The following ANK3 variants were observed in gnomAD, a reference collection of about 807,000 sequenced individuals.
The protein encoded by ANK3 is ankyrin 3.
ANK3 carries 57 observed loss-of-function variants against 370.9 expected under a neutral mutation model. The ratio of observed to expected loss-of-function variants is 0.15; its 90% CI spans 0.12 to 0.19. ANK3 has a LOEUF of 0.19. ANK3 is among the 10% of genes least tolerant of loss of function. The pLI is 1.00. For missense variants in ANK3, 4,439 were observed against 5,302.1 expected, an observed-to-expected ratio of 0.84 and a Z score of 5.06; for synonymous variants, 1,929 against 1,946.3, an observed-to-expected ratio of 0.99 and a Z score of 0.23.
At chr10:60,655,467 T>A (rs1033548221) in intron 1 of ANK3, among the ~76,000 whole-genome samples, 2 of 151,910 alleles carry the variant, frequency 1.3e-5, no homozygotes, top group South Asian at 2.1e-4. Flanking sequence ...ATGAAAAATA[T>A]TTTAAATAGA....
Position 60,196,542 on chromosome 10 carries a change from T to C in ANK3, c.1773A>G (p.Pro591=), listed in dbSNP as rs1458934075. The stretch of plus-strand genomic sequence containing the variant: ...GACCTCTTACCTTCCCAGCAGCATC[T>C]GGAGATGCACTTTTCTGTAGCAGGA... The part of the protein sequence containing the change: ...ANLLLQKSAS[P]DAAGKSGLTP... Residue 591 remains proline (P), a synonymous_variant, in exon 15 of 44, where the codon CCA becomes CCG. Transcript: ENST00000280772. 6.2e-7 allele frequency: 1 copy of C among 1,611,874 alleles called. No individual in the cohort carries two copies. Among genetic ancestry groups the C allele is most frequent in the African/African-American group, 1.3e-5 (1 of 74,728 alleles).
intron 7 of ANK3, among the ~76,000 whole-genome samples, chr10:60,240,141 T>TAC (rs1319417832): frequency 1.6e-5 from 2 of 124,316 alleles, no homozygotes; most frequent in Admixed American, 8.5e-5. Flanking sequence ...TACATATATA[T>TAC]ACACATATAT....
At chr10:60,038,343 G>A (rs1486260404) in intron 43 of ANK3, among the ~76,000 whole-genome samples, 4 of 152,228 alleles carry the variant, frequency 2.6e-5, no homozygotes, top group Non-Finnish European at 5.9e-5. Context: ...GTTGCAATGA[G>A]CCGATATTGT....
chr10:60,213,366 T>A, intron 9 of ANK3, 46 bp downstream of exon 9: 1 of 1,353,760 alleles, frequency 7.4e-7, no homozygotes, highest in South Asian at 1.2e-5. Flanking sequence ...CATATAACCA[T>A]CAAAATAAAT....
intron 2 of ANK3, among the ~76,000 whole-genome samples, chr10:60,395,550 C>CTCTTTCTTTCTTTCTTTTTCTTTCTT (rs1555367059): frequency 9.2e-6 from 1 of 108,384 alleles, no homozygotes; most frequent in African/African-American, 3.4e-5. Flanking sequence ...ACTACTATGC[C>CTCTTTCTTTCTTTCTTTTTCTTTCTT]TCTTTCTTTC....
At chr10:60,320,569 A>C (rs997804478) in intron 1 of ANK3, among the ~76,000 whole-genome samples, 4 of 152,194 alleles carry the variant, frequency 2.6e-5, no homozygotes, top group Non-Finnish European at 1.5e-5. Flanking sequence ...ACTGCACTCC[A>C]GTCTGGGCAA....
intron 1 of ANK3, among the ~76,000 whole-genome samples, chr10:60,665,263 C>T (rs2078982080): frequency 6.6e-6 from 1 of 152,086 alleles, no homozygotes; most frequent in Non-Finnish European, 1.5e-5. Flanking sequence ...GTAATATTGT[C>T]CACTCTTATT....
chr10:60,196,074 G>T, intron 16 of ANK3, 71 bp downstream of exon 16: 1 of 1,365,010 alleles, frequency 7.3e-7, no homozygotes, highest in Non-Finnish European at 1.0e-6. Context: ...TGCTGAAGCA[G>T]AAGTAGATGT....
chr10:60,363,096 CG>C (rs1172843377), intron 1 of ANK3, among the ~76,000 whole-genome samples: 3 of 14,976 alleles, frequency 2.0e-4, no homozygotes, highest in East Asian at 1.7e-3. Context: ...GGGAGGGGGG[CG>C]GGGGGCGCAA....
intron 1 of ANK3, among the ~76,000 whole-genome samples, chr10:60,285,317 T>C (rs2098228063): frequency 6.6e-6 from 1 of 152,194 alleles, no homozygotes; most frequent in Non-Finnish European, 1.5e-5. Flanking sequence ...TCAAACATTT[T>C]GAAAGACTGG....
At chr10:60,415,250 G>A (rs1338991882) in intron 2 of ANK3, among the ~76,000 whole-genome samples, 2 of 152,166 alleles carry the variant, frequency 1.3e-5, no homozygotes, top group East Asian at 1.9e-4. Flanking sequence ...CTTGTGGAAG[G>A]AGCATCATGC....
chr10:60,287,705 T>C (rs982794452), intron 1 of ANK3, among the ~76,000 whole-genome samples: 5 of 152,234 alleles, frequency 3.3e-5, no homozygotes, highest in Non-Finnish European at 7.3e-5. Flanking sequence ...AACTAATAAG[T>C]AAGCAGCAAG....
In ANK3 at chr10:60,438,627, T is replaced by TA. The variant is rs149080265; in HGVS notation, c.97-158989dup. Among the ~76,000 whole-genome samples, 393 of 152,158 alleles carry TA rather than the reference T, an allele frequency of 2.6e-3. 4 individuals are homozygous for TA. Among genetic ancestry groups the TA allele is most frequent in the African/African-American group, 9.2e-3 (383 of 41,492 alleles). Reference sequence around the variant, plus strand: ...ATGATTAGGTGTTAGATGAAAAAAATAAAAAGTTTCTATTAAGTGAGGAAG... The same window carrying TA: ...ATGATTAGGTGTTAGATGAAAAAAATAAAAAAGTTTCTATTAAGTGAGGAAG... On this transcript the variant is annotated intron_variant, in intron 2 of 43. Transcript: ENST00000373827.
chr10:60,027,128 C>CACA lies in ANK3; in HGVS notation c.*2715_*2717dup, dbSNP rs1399541018. ...AAAGTCAAATTTTTGGGCATATAAA[C>CACA]ACAACTATTTAATACCTAAACAGGT... On this transcript the variant is annotated 3_prime_UTR_variant, in exon 44 of 44. Coordinates refer to ENST00000280772, the MANE Select transcript of ANK3 (RefSeq NM_020987.5). The CACA allele has an allele frequency of 1.3e-5, 2 of 151,964 alleles. No individual in the cohort carries two copies. Among genetic ancestry groups the CACA allele is most frequent in the Non-Finnish European group, 2.9e-5 (2 of 68,006 alleles). 9.4% of individuals were successfully genotyped at this position (151,964 alleles called of 1,614,324 possible).
In ANK3 at chr10:60,356,465, A is replaced by C. The variant is rs578261031; in HGVS notation, c.114+32960T>G. Among the ~76,000 whole-genome samples the C allele has an allele frequency of 3.9e-5, 6 of 152,270 alleles. No individual in the cohort carries two copies. The East Asian group carries it at 9.6e-4, about 24-fold the overall frequency. On this transcript the variant is annotated intron_variant, in intron 1 of 43. Coordinates refer to ENST00000280772, the MANE Select transcript of ANK3 (RefSeq NM_020987.5). ...CTGGCTTGAGGAGAATGACCATTCC[A>C]ATTCCTCCCTTGGGGACTCCTAGCT...
intron 1 of ANK3, among the ~76,000 whole-genome samples, chr10:60,342,841 G>T (rs1310479828): frequency 6.6e-6 from 1 of 152,120 alleles, no homozygotes; most frequent in Non-Finnish European, 1.5e-5. Context: ...GGGGTTCCAT[G>T]ACCCAGTACA....
intron 2 of ANK3, among the ~76,000 whole-genome samples, chr10:60,564,353 C>T (rs2077409568): frequency 1.3e-5 from 2 of 152,144 alleles, no homozygotes; most frequent in Non-Finnish European, 2.9e-5. Context: ...ATGCTCAGTA[C>T]ACCATTACTC....
intron 2 of ANK3, among the ~76,000 whole-genome samples, chr10:60,544,730 T>C (rs2076923210): frequency 6.6e-6 from 1 of 152,150 alleles, no homozygotes; most frequent in Non-Finnish European, 1.5e-5. Context: ...TATAAGGCTG[T>C]CTTGATCATT....
intron 1 of ANK3, among the ~76,000 whole-genome samples, chr10:60,686,623 A>T (rs1312532590): frequency 6.6e-6 from 1 of 152,164 alleles, no homozygotes; most frequent in Non-Finnish European, 1.5e-5. Flanking sequence ...TCTTCCTAAC[A>T]ACTGTAGGTA....
Sources: allele counts gnomAD v4.1 joint callset (sites outside exome capture counted in the v4.1 genomes callset), GRCh38; gene constraint gnomAD v4.1.1; transcripts MANE v1.5; gene names NCBI Gene and HGNC (gene_info 2026-07-23, HGNC 2026-07-21).